The following F8 variants were observed in gnomAD, a reference collection of about 807,000 sequenced individuals.
F8 encodes the protein coagulation factor VIII.
Under a neutral mutation model 140.6 loss-of-function variants are expected in F8, and 12 were observed. The observed-to-expected ratio is 0.09, with a 90% CI of 0.05 to 0.14. F8 has a LOEUF of 0.14. Ranked by LOEUF, F8 falls within the 10% of genes least tolerant of loss-of-function variation. The pLI, the probability that F8 is intolerant of heterozygous loss-of-function variation, is 1.00. For synonymous variants in F8, 585 were observed against 614.6 expected, an observed-to-expected ratio of 0.95 and a Z score of 0.71; for missense variants, 1,354 against 1,720.7, an observed-to-expected ratio of 0.79 and a Z score of 3.77.
chrX:155,006,017 G>GA (rs1386865077), intron 1 of F8, among the ~76,000 whole-genome samples: 1 of 110,388 alleles, frequency 9.1e-6, no homozygotes, highest in Non-Finnish European at 1.9e-5. Context: ...CTGCATGCAA[G>GA]AAAAAAAAGA....
chrX:154,909,522 C>G, intron 14 of F8: 1 of 116,939 alleles, frequency 8.6e-6, no homozygotes, highest in Non-Finnish European at 1.8e-5. Context: ...TTCCACATAG[C>G]TCTGTTGGCG....
At position 154,928,757 on chromosome X, in the gene F8, T is replaced by C; in HGVS notation, c.5033A>G (p.Gln1678Arg). ...GGTATCATCATAGTCAATTTCCTCT[T>C]GATCTGACTGAAGAGTAGTACGAGT... The part of the protein sequence containing the change: ...EITRTTLQSD[Q>R]EEIDYDDTIS... Residue 1678 changes from glutamine to arginine, a missense_variant, in exon 14 of 26, where the codon CAA becomes CGA. Gln to Arg is a conservative substitution (Grantham distance 43). Transcript: ENST00000360256. 1 of 1,211,555 alleles carries C rather than the reference T, an allele frequency of 8.3e-7. No homozygotes were observed. The highest frequency in any genetic ancestry group is 1.7e-5 in the African/African-American group (1 of 57,762).
chrX:154,960,440 C>CTT (rs781792941), intron 10 of F8, among the ~76,000 whole-genome samples: 3 of 111,420 alleles, frequency 2.7e-5, no homozygotes, highest in Admixed American at 9.6e-5. Context: ...AAAGAATATA[C>CTT]ATAACATCCA....
intron 22 of F8, among the ~76,000 whole-genome samples, chrX:154,877,262 A>T (rs1316769354): frequency 9.0e-6 from 1 of 111,701 alleles, no homozygotes; most frequent in Non-Finnish European, 1.9e-5. Flanking sequence ...CAATTAGCTG[A>T]TGTCAAAATA....
intron 22 of F8, among the ~76,000 whole-genome samples, chrX:154,879,461 A>G (rs1376185354): frequency 1.8e-5 from 2 of 112,727 alleles, no homozygotes; most frequent in Non-Finnish European, 3.7e-5. Context: ...CCATATGCAT[A>G]AAAGTACTTA....
chrX:154,896,890 C>T (rs2072984762), intron 21 of F8, among the ~76,000 whole-genome samples: 1 of 112,105 alleles, frequency 8.9e-6, no homozygotes, highest in Non-Finnish European at 1.9e-5. Context: ...ATCCTTAAGG[C>T]AGTGAACCCA....
chrX:154,962,978 C>T (rs1198906199), intron 9 of F8, among the ~76,000 whole-genome samples: 4 of 111,059 alleles, frequency 3.6e-5, no homozygotes, highest in African/African-American at 1.3e-4. Context: ...ATCAATCCCA[C>T]CTCCAGATCT....
chrX:154,942,712 C>A (rs1422064787), intron 13 of F8, among the ~76,000 whole-genome samples: 19 of 109,210 alleles, frequency 1.7e-4, no homozygotes, highest in Admixed American at 1.5e-3. Flanking sequence ...GAGACAAAAC[C>A]AAAAAAGAGA....
chrX:154,949,173 G>T (rs1557280541), intron 12 of F8, among the ~76,000 whole-genome samples: 2 of 112,057 alleles, frequency 1.8e-5, no homozygotes, highest in Non-Finnish European at 1.9e-5. Context: ...CTTTGCACTT[G>T]AGTCCTTGCA....
intron 1 of F8, among the ~76,000 whole-genome samples, chrX:155,013,542 C>T (rs1025318072): frequency 9.0e-6 from 1 of 111,452 alleles, no homozygotes; most frequent in Non-Finnish European, 1.9e-5. Flanking sequence ...AGCATTAGAA[C>T]GGACTAATAC....
chrX:154,974,993 T>C (rs1557282856), intron 6 of F8, among the ~76,000 whole-genome samples: 1 of 111,912 alleles, frequency 8.9e-6, no homozygotes. Flanking sequence ...TTAGTCTGGC[T>C]AAAAGTTTAT....
At position 154,929,863 on chromosome X, in the gene F8, T is replaced by G; in HGVS notation, c.3927A>C (p.Lys1309Asn). 6 of 1,211,946 alleles carry G rather than the reference T, an allele frequency of 5.0e-6. No individual in the cohort carries two copies. The highest frequency in any genetic ancestry group is 6.7e-6 in the Non-Finnish European group (6 of 895,450). The stretch of plus-strand genomic sequence containing the variant: ...GAGATATCCTTGTGGTGCATGCATA[T>G]TTCTCTACAATTTGCTTGGTTTGAT... ...LGNQTKQIVEKYACTTRISPN... is the reference protein window; with the variant it reads ...LGNQTKQIVENYACTTRISPN... Residue 1309 changes from lysine (K) to asparagine (N), a missense_variant, in exon 14 of 26, where the codon AAA (lysine) becomes AAC (asparagine). Physicochemically the swap from Lys to Asn is moderately conservative, Grantham distance 94. Around this residue, in one of 4 missense-constraint regions of F8, gnomAD observed 658 missense variants for 666.5 expected, o/e 0.99. Coordinates refer to ENST00000360256, the MANE Select transcript of F8 (RefSeq NM_000132.4).
intron 10 of F8, 63 bp downstream of exon 10, chrX:154,961,012 G>T: frequency 2.7e-6 from 2 of 750,628 alleles, no homozygotes; most frequent in African/African-American, 2.0e-5. Context: ...AGTTGTTATT[G>T]ATGATATTTA....
chrX:154,842,662 TG>T (rs2072530419), intron 25 of F8, among the ~76,000 whole-genome samples: 1 of 112,266 alleles, frequency 8.9e-6, no homozygotes, highest in Admixed American at 9.5e-5. Context: ...CAACTTTAAT[TG>T]TATTGTGACC....
chrX:155,019,606 T>C (rs782440689), intron 1 of F8, among the ~76,000 whole-genome samples: 12 of 110,576 alleles, frequency 1.1e-4, no homozygotes, highest in African/African-American at 3.9e-4. Context: ...CCAGCCTGGG[T>C]AACATGGCAA....
chrX:154,931,651 G>A lies in F8; in HGVS notation c.2139C>T (p.Asn713=), dbSNP rs2073199482. The A allele has an allele frequency of 8.3e-7, 1 of 1,209,646 alleles. No individual in the cohort carries two copies. Among genetic ancestry groups the A allele is most frequent in the Non-Finnish European group, 1.1e-6 (1 of 894,814 alleles). Residue 713 remains asparagine, a synonymous_variant, in exon 14 of 26, where the codon AAC becomes AAT. Coordinates refer to ENST00000360256, the MANE Select transcript of F8 (RefSeq NM_000132.4). ...NPGLWILGCH[N]SDFRNRGMTA... ...TCATGCCTCTGTTCCGAAAGTCTGA[G>A]TTGTGGCACCCCAGAATCCATAGAC...
At chrX:154,901,997 C>G (rs1024086952) in intron 19 of F8, 54 bp downstream of exon 19, 15 of 768,777 alleles carry the variant, frequency 2.0e-5, no homozygotes, top group Admixed American at 4.4e-5. Flanking sequence ...AGGAAGAAAG[C>G]TGTAAAGAAG....
chrX:154,913,620 G>C lies in F8; in HGVS notation c.5220-7047C>G, dbSNP rs181972768. On this transcript the variant is annotated intron_variant, in intron 14 of 25. Coordinates refer to ENST00000360256, the MANE Select transcript of F8 (RefSeq NM_000132.4). ...ATGGGAGAAATTGGCCAAAACAAAG[G>C]GGCTACAGGCCCCATGCAAGTCTGA... Among the ~76,000 whole-genome samples the C allele has an allele frequency of 4.4e-5, 5 of 112,747 alleles. No individual in the cohort carries two copies. The Admixed American group carries it at 4.6e-4, about 10-fold the overall frequency.
At chrX:154,960,487 A>G (rs1462502117) in intron 10 of F8, among the ~76,000 whole-genome samples, 1 of 111,521 alleles carries the variant, frequency 9.0e-6, no homozygotes, top group African/African-American at 3.3e-5. Context: ...TAAACAGCAA[A>G]CAATATAGTA....
Sources: gnomAD v4.1 joint callset for allele counts (sites outside exome capture counted in the v4.1 genomes callset) on GRCh38, gnomAD v4.1.1 for gene constraint, gnomAD v4.1.1 regional missense constraint, MANE v1.5 for transcripts, NCBI Gene and HGNC (gene_info 2026-07-23, HGNC 2026-07-21) for gene names.